Variants in IQGAP2 observed in about 807,000 individuals in gnomAD.
IQGAP2 encodes IQ motif containing GTPase activating protein 2, also known as ras GTPase-activating-like protein IQGAP2.
IQGAP2 carries 173 observed loss-of-function variants against 201.3 expected under a neutral mutation model. That is an observed-to-expected ratio of 0.86 (90% CI 0.76 to 0.98). The LOEUF is 0.98. Among genes scored for constraint, IQGAP2 ranks in the 50% least tolerant of loss-of-function variants. The pLI, the probability that IQGAP2 is intolerant of heterozygous loss-of-function variation, is 0.00. For missense variants in IQGAP2, 1,687 were observed against 1,864.8 expected (o/e 0.90, Z 1.76); for synonymous variants, 675 against 673.9 (o/e 1.00, Z -0.03).
chr5:76,613,739 G>A (rs886990805), intron 13 of IQGAP2, among the ~76,000 whole-genome samples: 1 of 152,062 alleles, frequency 6.6e-6, no homozygotes, highest in African/African-American at 2.4e-5. Context: ...CAGTTACCCA[G>A]GCTGGAGTGC....
intron 11 of IQGAP2, among the ~76,000 whole-genome samples, chr5:76,605,517 C>T (rs1187038645): frequency 6.6e-6 from 1 of 152,110 alleles, no homozygotes; most frequent in Non-Finnish European, 1.5e-5. Context: ...TGAGTATTGG[C>T]TAGGAGCCTT....
intron 19 of IQGAP2, among the ~76,000 whole-genome samples, 153 bp from the exon 20 acceptor site, chr5:76,654,781 G>A (rs1752778698): frequency 6.6e-6 from 1 of 152,092 alleles, no homozygotes; most frequent in Non-Finnish European, 1.5e-5. Context: ...CAAAGAAAAT[G>A]GAAAAATAAA....
intron 2 of IQGAP2, among the ~76,000 whole-genome samples, chr5:76,470,471 A>G (rs886167203): frequency 2.0e-5 from 3 of 152,206 alleles, no homozygotes; most frequent in African/African-American, 7.2e-5. Context: ...ATTTGAGGAT[A>G]AAATTATTTT....
chr5:76,639,849 G>A (rs763080062), intron 16 of IQGAP2, among the ~76,000 whole-genome samples: 4 of 152,134 alleles, frequency 2.6e-5, no homozygotes, highest in African/African-American at 4.8e-5. Context: ...TTAGGAAAAC[G>A]ACATTGTAGC....
chr5:76,474,931 T>G (rs567228822), intron 2 of IQGAP2, among the ~76,000 whole-genome samples: 2 of 152,150 alleles, frequency 1.3e-5, no homozygotes, highest in Non-Finnish European at 2.9e-5. Flanking sequence ...AGGCTGGTCT[T>G]GAACTCCCGA....
intron 3 of IQGAP2, among the ~76,000 whole-genome samples, chr5:76,569,873 C>T (rs1001101016): frequency 6.6e-5 from 10 of 152,116 alleles, no homozygotes; most frequent in African/African-American, 1.9e-4. Context: ...GAATGCTATA[C>T]TTACAGGCTG....
intron 29 of IQGAP2, 82 bp from the exon 30 acceptor site, chr5:76,683,694 C>T (rs1745499602): frequency 5.2e-6 from 7 of 1,339,272 alleles, no homozygotes; most frequent in Non-Finnish European, 7.1e-6. Flanking sequence ...CTATCTTTCC[C>T]ACAGAACCTT....
intron 2 of IQGAP2, among the ~76,000 whole-genome samples, chr5:76,547,917 C>A (rs1230427982): frequency 6.6e-6 from 1 of 152,190 alleles, no homozygotes; most frequent in African/African-American, 2.4e-5. Flanking sequence ...ACCTGGAAGA[C>A]ATTGGATCTC....
chr5:76,614,291 C>G (rs572627394), intron 13 of IQGAP2, among the ~76,000 whole-genome samples: 2 of 152,290 alleles, frequency 1.3e-5, no homozygotes, highest in East Asian at 3.9e-4. Context: ...GGTGTGGAAA[C>G]AGTAGCTTTC....
intron 2 of IQGAP2, among the ~76,000 whole-genome samples, chr5:76,544,163 C>A (rs552408091): frequency 6.6e-6 from 1 of 152,278 alleles, no homozygotes; most frequent in Non-Finnish European, 1.5e-5. Flanking sequence ...CATGGCACCC[C>A]AAATGTCTGC....
intron 2 of IQGAP2, among the ~76,000 whole-genome samples, chr5:76,485,944 G>C (rs1055119338): frequency 1.2e-4 from 18 of 152,088 alleles, no homozygotes; most frequent in African/African-American, 3.9e-4. Context: ...GATTTTCAAT[G>C]ACTTCCTCAG....
At chr5:76,591,558 A>T (rs537726823) in intron 8 of IQGAP2, among the ~76,000 whole-genome samples, 3 of 152,120 alleles carry the variant, frequency 2.0e-5, no homozygotes, top group Non-Finnish European at 4.4e-5. Context: ...GCATTTTCTC[A>T]ACTGGTGGCT....
intron 2 of IQGAP2, among the ~76,000 whole-genome samples, chr5:76,496,779 T>TTCTCTTTCTTTC (rs796878927): frequency 1.0e-5 from 1 of 97,490 alleles, no homozygotes; most frequent in African/African-American, 5.3e-5. Flanking sequence ...CTTTCTTTCT[T>TTCTCTTTCTTTC]TCTTTCTTTC....
At chr5:76,634,691 T>C (rs1423118262) in intron 15 of IQGAP2, among the ~76,000 whole-genome samples, 1 of 152,170 alleles carries the variant, frequency 6.6e-6, no homozygotes, top group East Asian at 1.9e-4. Context: ...CACAGGATGA[T>C]TTATTCTTAT....
rs112370046 is a variant in IQGAP2, at chr5:76,525,310, A to G, written c.147-37086A>G. Among the ~76,000 whole-genome samples the G allele has an allele frequency of 6.5e-3, 995 of 152,358 alleles. 10 individuals carry two copies. The highest frequency in any genetic ancestry group is 0.021 in the African/African-American group (866 of 41,576). On this transcript the variant is annotated intron_variant, in intron 2 of 35. Transcript: ENST00000274364. Reference sequence around the variant, plus strand: ...GGTTTCAGATAAATAGAATATCAGCATCATTCTTCATATCAGCAAAATGAT... The same window carrying G: ...GGTTTCAGATAAATAGAATATCAGCGTCATTCTTCATATCAGCAAAATGAT...
chr5:76,533,238 A>G (rs1051342084), intron 2 of IQGAP2, among the ~76,000 whole-genome samples: 4 of 152,116 alleles, frequency 2.6e-5, no homozygotes, highest in African/African-American at 9.7e-5. Context: ...CTTGCAGTGT[A>G]GCATCCTCAT....
At chr5:76,619,846 T>C (rs1334901376) in intron 13 of IQGAP2, among the ~76,000 whole-genome samples, 3 of 152,134 alleles carry the variant, frequency 2.0e-5, no homozygotes, top group African/African-American at 7.2e-5. Flanking sequence ...GAGATTTTCC[T>C]GGATTGCCTG....
In IQGAP2 at chr5:76,662,517, AGG is replaced by A. The variant is rs557329678; in HGVS notation, c.2530-2504_2530-2503del. Among the ~76,000 whole-genome samples the A allele has an allele frequency of 2.1e-3, 324 of 152,330 alleles. 2 individuals carry two copies. The highest frequency in any genetic ancestry group is 7.2e-3 in the African/African-American group (301 of 41,574). On this transcript the variant is annotated intron_variant, in intron 21 of 35. Coordinates refer to ENST00000274364, the MANE Select transcript of IQGAP2 (RefSeq NM_006633.5). ...CCACTGAAAACACTTGGGAGGGAAA[AGG>A]GGGGAATTATAGGTAACAAGACTTT...
chr5:76,463,696 CTT>C (rs2150128148), intron 2 of IQGAP2, among the ~76,000 whole-genome samples: 1 of 152,196 alleles, frequency 6.6e-6, no homozygotes, highest in Non-Finnish European at 1.5e-5. Context: ...TTGAGGAAAA[CTT>C]TCCTTGGAAT....
Sources: allele counts gnomAD v4.1 joint callset (sites outside exome capture counted in the v4.1 genomes callset), GRCh38; gene constraint gnomAD v4.1.1; transcripts MANE v1.5; gene names NCBI Gene and HGNC (gene_info 2026-07-23, HGNC 2026-07-21).